The following MEMO1 variants were observed in gnomAD, a reference collection of about 807,000 sequenced individuals.
MEMO1 encodes mediator of cell motility 1.
A neutral mutation model predicts 45.2 loss-of-function variants in MEMO1; 6 were observed. The observed-to-expected ratio is 0.13, with a 90% CI of 0.07 to 0.26. The LOEUF (loss-of-function observed/expected upper bound fraction) is 0.26. Ranked by LOEUF, MEMO1 falls within the 10% of genes least tolerant of loss-of-function variation. The pLI, the probability that MEMO1 is intolerant of heterozygous loss-of-function variation, is 1.00. For missense variants in MEMO1, 184 were observed against 370.5 expected (o/e 0.50, Z 4.13); for synonymous variants, 78 against 124.3 (o/e 0.63, Z 2.48).
At chr2:31,951,469 GAA>G (rs1433073366) in intron 2 of MEMO1, among the ~76,000 whole-genome samples, 1 of 150,388 alleles carries the variant, frequency 6.6e-6, no homozygotes, top group African/African-American at 2.4e-5. Context: ...TCACTACAAT[GAA>G]AAGTGTTTCC....
At chr2:31,921,884 A>C (rs1039775162) in intron 4 of MEMO1, among the ~76,000 whole-genome samples, 26 of 152,278 alleles carry the variant, frequency 1.7e-4, no homozygotes, top group Middle Eastern at 3.4e-3. Context: ...TAAAGAAAAG[A>C]ACTGAGCTAA....
intron 8 of MEMO1, among the ~76,000 whole-genome samples, chr2:31,879,878 T>C (rs1675100478): frequency 6.6e-6 from 1 of 152,196 alleles, no homozygotes; most frequent in African/African-American, 2.4e-5. Flanking sequence ...ACTCATCTTT[T>C]TCCTTAAATC....
At chr2:31,910,815 G>A (rs571117532) in intron 6 of MEMO1, among the ~76,000 whole-genome samples, 2 of 152,032 alleles carry the variant, frequency 1.3e-5, no homozygotes, top group African/African-American at 4.8e-5. Flanking sequence ...AGCCAAGATT[G>A]TGCACCCCTG....
intron 3 of MEMO1, 120 bp downstream of exon 3, chr2:31,943,182 T>G: frequency 1.3e-6 from 1 of 757,534 alleles, no homozygotes; most frequent in Non-Finnish European, 2.3e-6. Context: ...GGAGAGTCGC[T>G]TGAACCTGGG....
At chr2:31,992,211 G>A (rs995495413) in intron 2 of MEMO1, among the ~76,000 whole-genome samples, 1 of 152,142 alleles carries the variant, frequency 6.6e-6, no homozygotes, top group Non-Finnish European at 1.5e-5. Flanking sequence ...GAAACAATTG[G>A]GAGGCCAAAT....
At chr2:31,924,446 TAA>T (rs36009338) in intron 4 of MEMO1, among the ~76,000 whole-genome samples, 3 of 134,240 alleles carry the variant, frequency 2.2e-5, no homozygotes, top group African/African-American at 8.2e-5. Flanking sequence ...ATACACAAGT[TAA>T]AAAAAAAAAA....
intron 5 of MEMO1, among the ~76,000 whole-genome samples, chr2:31,920,310 T>A (rs934812706): frequency 8.5e-5 from 13 of 152,116 alleles, no homozygotes; most frequent in Non-Finnish European, 1.8e-4. Context: ...TGTTTAAAAA[T>A]AAAATATATT....
chr2:31,996,221 A>G (rs1161944778), intron 2 of MEMO1, among the ~76,000 whole-genome samples: 1 of 150,216 alleles, frequency 6.7e-6, no homozygotes, highest in Non-Finnish European at 1.5e-5. Flanking sequence ...AGAGAGAGAA[A>G]GAGAGAGAGA....
intron 8 of MEMO1, among the ~76,000 whole-genome samples, chr2:31,882,738 T>C (rs918210009): frequency 6.7e-6 from 1 of 150,368 alleles, no homozygotes; most frequent in Admixed American, 6.6e-5. Context: ...CATAAGGCTA[T>C]GATGTCTTTT....
At chr2:31,947,697 G>C (rs1183437139) in intron 2 of MEMO1, among the ~76,000 whole-genome samples, 3 of 152,140 alleles carry the variant, frequency 2.0e-5, no homozygotes, top group Non-Finnish European at 2.9e-5. Flanking sequence ...TCAAGAAATA[G>C]ATAATAAACA....
At chr2:31,948,391 A>G (rs1486378328) in intron 2 of MEMO1, among the ~76,000 whole-genome samples, 2 of 152,180 alleles carry the variant, frequency 1.3e-5, no homozygotes, top group African/African-American at 2.4e-5. Flanking sequence ...TCAATCCCAC[A>G]TGGTTGGGTA....
At chr2:31,915,222 T>A (rs1681250890) in intron 6 of MEMO1, among the ~76,000 whole-genome samples, 1 of 152,118 alleles carries the variant, frequency 6.6e-6, no homozygotes, top group African/African-American at 2.4e-5. Flanking sequence ...ATAATAGATT[T>A]TGAGCCTAGG....
chr2:31,874,466 A>G (rs1379254142), intron 8 of MEMO1, among the ~76,000 whole-genome samples: 2 of 152,076 alleles, frequency 1.3e-5, no homozygotes, highest in Non-Finnish European at 2.9e-5. Context: ...CACATAATTA[A>G]TTTCTAAGAT....
intron 3 of MEMO1, among the ~76,000 whole-genome samples, chr2:31,932,417 C>T (rs761641171): frequency 9.9e-5 from 15 of 151,046 alleles, no homozygotes; most frequent in South Asian, 2.1e-4. Context: ...CTATGTAACA[C>T]GATTATTGAG....
intron 2 of MEMO1, among the ~76,000 whole-genome samples, chr2:31,962,700 A>C (rs1440988364): frequency 6.6e-6 from 1 of 152,226 alleles, no homozygotes; most frequent in African/African-American, 2.4e-5. Flanking sequence ...TTCATCATCA[A>C]AAGTATCATC....
At chr2:31,965,668 C>A (rs1456969570) in intron 2 of MEMO1, among the ~76,000 whole-genome samples, 1 of 152,134 alleles carries the variant, frequency 6.6e-6, no homozygotes, top group African/African-American at 2.4e-5. Context: ...ATGTCCTTTG[C>A]AGGGACATGG....
At chr2:31,953,781 A>G (rs758047606) in intron 2 of MEMO1, among the ~76,000 whole-genome samples, 2 of 152,082 alleles carry the variant, frequency 1.3e-5, no homozygotes, top group Non-Finnish European at 2.9e-5. Context: ...TGATACATAT[A>G]TTCAAAATGT....
chr2:31,960,424 T>C (rs1254664076), intron 2 of MEMO1, among the ~76,000 whole-genome samples: 1 of 152,154 alleles, frequency 6.6e-6, no homozygotes, highest in Admixed American at 6.5e-5. Context: ...CTATCCTGTT[T>C]ACTGTAGCAA....
chr2:31,974,739 T>C (rs1669806090), intron 2 of MEMO1, among the ~76,000 whole-genome samples: 1 of 151,788 alleles, frequency 6.6e-6, no homozygotes, highest in Non-Finnish European at 1.5e-5. Flanking sequence ...CACTTCAGCC[T>C]GGGCAACAAG....
Sources: gnomAD v4.1 joint callset for allele counts (sites outside exome capture counted in the v4.1 genomes callset) on GRCh38, gnomAD v4.1.1 for gene constraint, MANE v1.5 for transcripts, NCBI Gene and HGNC (gene_info 2026-07-23, HGNC 2026-07-21) for gene names.